PLSCR4: variants seen among roughly 807,000 people sequenced by gnomAD.
The protein encoded by PLSCR4 is Ca(2+)-dependent phospholipid scramblase 4.
Under a neutral mutation model 36.3 loss-of-function variants are expected in PLSCR4, and 25 were observed. The observed-to-expected ratio is 0.69, with a 90% CI of 0.50 to 0.96. The LOEUF (loss-of-function observed/expected upper bound fraction) is 0.96, where lower values mean the gene tolerates loss of function less well. Ranked by LOEUF, PLSCR4 falls within the 40% of genes least tolerant of loss-of-function variation. PLSCR4 has a pLI of 0.00. For synonymous variants in PLSCR4, 122 were observed against 132.9 expected (o/e 0.92, Z 0.56); for missense variants, 408 against 414.7 (o/e 0.98, Z 0.14).
chr3:146,222,937 G>T (rs2035239836), intron 1 of PLSCR4, among the ~76,000 whole-genome samples: 1 of 152,110 alleles, frequency 6.6e-6, no homozygotes, highest in South Asian at 2.1e-4. Context: ...GGGCCTCCAG[G>T]AGTCGCTGAT....
At chr3:146,247,458 ATTAT>A (rs1215027233) in intron 1 of PLSCR4, among the ~76,000 whole-genome samples, 4 of 151,920 alleles carry the variant, frequency 2.6e-5, no homozygotes, top group Non-Finnish European at 5.9e-5. Context: ...AGCCACTTTT[ATTAT>A]TTGTTTGAAA....
At chr3:146,235,577 G>T (rs9826132) in intron 1 of PLSCR4, among the ~76,000 whole-genome samples, 116,370 of 152,088 alleles carry the variant, frequency 0.77, 45,626 homozygotes, top group Non-Finnish European at 0.86. Flanking sequence ...TACAGAAAAT[G>T]GGTACCGAGG....
chr3:146,245,916 G>C (rs2036319724), intron 1 of PLSCR4, among the ~76,000 whole-genome samples: 1 of 152,018 alleles, frequency 6.6e-6, no homozygotes, highest in Non-Finnish European at 1.5e-5. Context: ...CAAATTTCTT[G>C]GCTCCTATGG....
chr3:146,234,596 T>G (rs2035841665), intron 1 of PLSCR4, among the ~76,000 whole-genome samples: 1 of 152,072 alleles, frequency 6.6e-6, no homozygotes, highest in Non-Finnish European at 1.5e-5. Context: ...GCAAATGAAT[T>G]TGGGGGACAC....
chr3:146,229,688 A>G (rs2035626254), intron 1 of PLSCR4, among the ~76,000 whole-genome samples: 3 of 150,632 alleles, frequency 2.0e-5, no homozygotes, highest in South Asian at 2.1e-4. Flanking sequence ...GCAGTGGTGC[A>G]ATCTTGGCTC....
In PLSCR4 at chr3:146,225,571, C is replaced by A. The variant is rs376460186; in HGVS notation, c.-21-3479G>T. Among the ~76,000 whole-genome samples the A allele has an allele frequency of 3.3e-4, 51 of 152,312 alleles. No individual in the cohort carries two copies. In the South Asian group the frequency reaches 0.01, roughly 31 times the overall value. ...ATGGCAGGCAGCAGGTCCCGAGCCC[C>A]GCCCCGCAGGAAGGCAGCTAAGGCT... is the stretch of plus-strand genomic sequence containing the variant. On this transcript the variant is annotated intron_variant, in intron 1 of 8. Transcript: ENST00000354952.
At chr3:146,200,115 T>C in intron 5 of PLSCR4, 76 bp from the exon 6 acceptor site, 1 of 840,276 alleles carries the variant, frequency 1.2e-6, no homozygotes, top group Non-Finnish European at 2.0e-6. Context: ...TAGTATTTCT[T>C]AAGGGCTTAA....
chr3:146,225,381 C>T (rs984422076), intron 1 of PLSCR4, among the ~76,000 whole-genome samples: 15 of 152,344 alleles, frequency 9.8e-5, no homozygotes, highest in Non-Finnish European at 1.8e-4. Context: ...TAGTGGATCC[C>T]GCAGCAGGGC....
At chr3:146,240,734 A>T (rs931278848) in intron 1 of PLSCR4, among the ~76,000 whole-genome samples, 1 of 152,174 alleles carries the variant, frequency 6.6e-6, no homozygotes, top group African/African-American at 2.4e-5. Flanking sequence ...TGAGGAATGT[A>T]AAATGTTAAA....
intron 1 of PLSCR4, among the ~76,000 whole-genome samples, chr3:146,224,873 C>T (rs1440194690): frequency 2.1e-5 from 3 of 143,752 alleles, no homozygotes; most frequent in Non-Finnish European, 4.7e-5. Flanking sequence ...AGTATGGACA[C>T]AAAGGTTCTC....
intron 1 of PLSCR4, among the ~76,000 whole-genome samples, chr3:146,229,715 C>T (rs911880095): frequency 6.6e-6 from 1 of 151,676 alleles, no homozygotes; most frequent in African/African-American, 2.4e-5. Flanking sequence ...AGCTCCGCCT[C>T]CCGGGTCCAC....
intron 6 of PLSCR4, among the ~76,000 whole-genome samples, chr3:146,198,888 T>G (rs2033887871): frequency 6.6e-6 from 1 of 152,048 alleles, no homozygotes; most frequent in Non-Finnish European, 1.5e-5. Context: ...AAGACAATAA[T>G]AACAAAGGAG....
Position 146,193,818 on chromosome 3 carries a change from AT to A in PLSCR4, c.*592del, listed in dbSNP as rs1239633670. On this transcript the variant is annotated 3_prime_UTR_variant, in exon 9 of 9. Transcript: ENST00000354952. ...ACATTAAAAAATGTTTTATTTTGTA[AT>A]AAAATCAAATTTCCCATTGAAACCT... The A allele has an allele frequency of 1.3e-5, 2 of 152,388 alleles. No individual in the cohort carries two copies. The highest frequency in any genetic ancestry group is 6.5e-5 in the Admixed American group (1 of 15,300). 9.4% of individuals were successfully genotyped at this position (152,388 alleles called of 1,614,324 possible).
intron 3 of PLSCR4, among the ~76,000 whole-genome samples, chr3:146,209,572 A>G (rs183755275): frequency 3.3e-5 from 5 of 152,258 alleles, no homozygotes; most frequent in East Asian, 3.9e-4. Flanking sequence ...ATTGCCAACA[A>G]TAAGTATGAG....
At chr3:146,201,752 A>ACGGCTGGGT (rs549660448) in intron 4 of PLSCR4, among the ~76,000 whole-genome samples, 314 of 152,210 alleles carry the variant, frequency 2.1e-3, no homozygotes, top group African/African-American at 6.9e-3. Flanking sequence ...CATGAAAAGG[A>ACGGCTGGGT]CGGCTGGGTA....
intron 1 of PLSCR4, among the ~76,000 whole-genome samples, chr3:146,244,354 T>C (rs571177773): frequency 6.6e-6 from 1 of 152,308 alleles, no homozygotes; most frequent in African/African-American, 2.4e-5. Context: ...TGCCTTGTTT[T>C]ACTGTGCTTT....
intron 6 of PLSCR4, among the ~76,000 whole-genome samples, chr3:146,197,839 T>C (rs73865347): frequency 0.059 from 9,002 of 152,166 alleles, 815 homozygotes; most frequent in African/African-American, 0.2. Flanking sequence ...AATTATTAAA[T>C]TAAGGTATTA....
intron 4 of PLSCR4, among the ~76,000 whole-genome samples, chr3:146,203,197 C>T (rs1028620193): frequency 4.6e-5 from 7 of 152,074 alleles, no homozygotes; most frequent in East Asian, 3.9e-4. Flanking sequence ...TATAGCCTAA[C>T]GAAATTCATT....
At chr3:146,223,893 ATATTT>A (rs2035303253) in intron 1 of PLSCR4, 1 of 147,370 alleles carries the variant, frequency 6.8e-6, no homozygotes, top group Non-Finnish European at 1.5e-5. Flanking sequence ...TTTTACATTT[ATATTT>A]TAAATATATT....
Sources: allele counts gnomAD v4.1 joint callset (sites outside exome capture counted in the v4.1 genomes callset), GRCh38; gene constraint gnomAD v4.1.1; transcripts MANE v1.5; gene names NCBI Gene and HGNC (gene_info 2026-07-23, HGNC 2026-07-21).